PARPBP: variants seen among roughly 807,000 people sequenced by gnomAD.
PARPBP encodes the protein PARP1 binding protein.
Under a neutral mutation model 50.0 loss-of-function variants are expected in PARPBP, and 52 were observed. That is an observed-to-expected ratio of 1.04 (90% CI 0.83 to 1.31). PARPBP has a LOEUF of 1.31. Ranked by LOEUF, PARPBP falls within the 50% of genes most tolerant of loss-of-function variation. PARPBP has a pLI of 0.00. For missense variants in PARPBP, 697 were observed against 672.0 expected, an observed-to-expected ratio of 1.04 and a Z score of -0.41; for synonymous variants, 244 against 232.1, an observed-to-expected ratio of 1.05 and a Z score of -0.47.
intron 2 of PARPBP, among the ~76,000 whole-genome samples, chr12:102,140,723 G>A (rs1884446165): frequency 6.6e-6 from 1 of 152,160 alleles, no homozygotes; most frequent in Non-Finnish European, 1.5e-5. Flanking sequence ...CTTTATTTCT[G>A]CCTTCATTTT....
chr12:102,160,729 A>T (rs926952965), intron 4 of PARPBP, among the ~76,000 whole-genome samples: 13 of 152,166 alleles, frequency 8.5e-5, no homozygotes, highest in African/African-American at 2.4e-4. Context: ...CAGGCAGATC[A>T]CCTGAGGTTA....
intron 10 of PARPBP, among the ~76,000 whole-genome samples, 175 bp from the exon 11 acceptor site, chr12:102,195,776 G>A (rs1427957143): frequency 1.3e-5 from 2 of 151,680 alleles, no homozygotes; most frequent in African/African-American, 4.8e-5. Context: ...ATGATAAAAT[G>A]AAAAGTAATA....
intron 6 of PARPBP, among the ~76,000 whole-genome samples, chr12:102,170,121 A>G (rs763284664): frequency 8.5e-5 from 13 of 152,232 alleles, no homozygotes; most frequent in Non-Finnish European, 1.6e-4. Context: ...GTGACACCAT[A>G]AAATGCATAG....
chr12:102,182,600 T>C lies in PARPBP; in HGVS notation c.1236T>C (p.Cys412=). The C allele has an allele frequency of 6.2e-7, 1 of 1,611,618 alleles. No homozygotes were observed. Among genetic ancestry groups the C allele is most frequent in the South Asian group, 1.1e-5 (1 of 90,940 alleles). ...TAAAACCCCTAAGAGAACGCATCTG[T>C]GTGTCAATGCAAGAGAAAAAAATTA... ...NSIKPLRERI[C]VSMQEKKIKM... The change falls in exon 9 of 11, where the codon TGT becomes TGC. Residue 412 remains cysteine (C), a synonymous_variant. Coordinates refer to ENST00000327680, the MANE Select transcript of PARPBP (RefSeq NM_017915.5).
In PARPBP at chr12:102,197,165, C is replaced by G; in HGVS notation, c.*874C>G. ...TGATTTAAGAAATTATGTTTGGAGC[C>G]TGTGTTCTGTAAAGAGAAGGTTGAT... On this transcript the variant is annotated 3_prime_UTR_variant, in exon 11 of 11. Coordinates refer to ENST00000327680, the MANE Select transcript of PARPBP (RefSeq NM_017915.5). The G allele has an allele frequency of 6.2e-7, 1 of 1,610,778 alleles. No homozygotes were observed. The highest frequency in any genetic ancestry group is 1.3e-5 in the African/African-American group (1 of 74,906).
At chr12:102,182,352 C>T (rs916745060) in intron 8 of PARPBP, among the ~76,000 whole-genome samples, 197 bp from the exon 9 acceptor site, 4 of 152,112 alleles carry the variant, frequency 2.6e-5, no homozygotes, top group East Asian at 3.9e-4. Flanking sequence ...CTATGATGTT[C>T]GGTGGATTGG....
At chr12:102,166,760 T>C (rs1888181609) in intron 6 of PARPBP, among the ~76,000 whole-genome samples, 1 of 152,124 alleles carries the variant, frequency 6.6e-6, no homozygotes, top group Admixed American at 6.6e-5. Context: ...GAAACTTCAT[T>C]CCATTCTAAG....
Position 102,155,661 on chromosome 12 carries a change from C to G in PARPBP, c.495+1685C>G, listed in dbSNP as rs150053645. ...GCATTCGAGCAGGAACTTCAACACCCTTTGGGTCCCCTCCCATTTTATGGG... is the reference window on the plus strand; with the variant it reads ...GCATTCGAGCAGGAACTTCAACACCGTTTGGGTCCCCTCCCATTTTATGGG... On this transcript the variant is annotated intron_variant, in intron 4 of 10. Coordinates refer to ENST00000327680, the MANE Select transcript of PARPBP (RefSeq NM_017915.5). Among the ~76,000 whole-genome samples, 999 of 151,756 alleles carry G rather than the reference C, an allele frequency of 6.6e-3. 3 individuals are homozygous for G. The highest frequency in any genetic ancestry group is 1.0e-2 in the Non-Finnish European group (676 of 67,924).
Position 102,164,601 on chromosome 12 carries a change from T to C in PARPBP, c.659T>C (p.Ile220Thr). 1 of 1,613,244 alleles carries C rather than the reference T, an allele frequency of 6.2e-7. No homozygotes were observed. The highest frequency in any genetic ancestry group is 8.5e-7 in the Non-Finnish European group (1 of 1,179,356). The change falls in exon 5 of 11, where the codon ATC (isoleucine) becomes ACC (threonine). Residue 220 changes from isoleucine to threonine, a missense_variant. Coordinates refer to ENST00000327680, the MANE Select transcript of PARPBP (RefSeq NM_017915.5). Reference protein sequence around the residue: ...KHAAREKQMSIFLVATSFIRT... With the variant: ...KHAAREKQMSTFLVATSFIRT... ...GCTGCTCGAGAGAAACAAATGTCTATCTTTTTGGTATGGTTGTGTGACATG... is the reference window on the plus strand; with the variant it reads ...GCTGCTCGAGAGAAACAAATGTCTACCTTTTTGGTATGGTTGTGTGACATG...
intron 2 of PARPBP, among the ~76,000 whole-genome samples, chr12:102,146,707 A>G (rs1466299086): frequency 6.6e-6 from 1 of 152,138 alleles, no homozygotes; most frequent in African/African-American, 2.4e-5. Flanking sequence ...AAAAGCCAAA[A>G]TTGACAAATG....
chr12:102,156,644 CTTA>C (rs1313565096), intron 4 of PARPBP, among the ~76,000 whole-genome samples: 2 of 151,942 alleles, frequency 1.3e-5, no homozygotes, highest in South Asian at 2.1e-4. Context: ...ATTTATTTTG[CTTA>C]TTATTTTTTT....
chr12:102,123,796 T>A (rs1881525401), intron 1 of PARPBP, 90 bp from the exon 2 acceptor site: 5 of 768,178 alleles, frequency 6.5e-6, no homozygotes, highest in Admixed American at 3.0e-5. Context: ...CACTATATGT[T>A]TTTCTCTATC....
At chr12:102,161,118 T>G (rs924121886) in intron 4 of PARPBP, among the ~76,000 whole-genome samples, 1 of 152,102 alleles carries the variant, frequency 6.6e-6, no homozygotes, top group African/African-American at 2.4e-5. Context: ...TAAGTTTTTT[T>G]TTCTTTGGAG....
chr12:102,192,465 T>C (rs1890884730), intron 9 of PARPBP, among the ~76,000 whole-genome samples: 2 of 152,120 alleles, frequency 1.3e-5, no homozygotes, highest in African/African-American at 4.8e-5. Flanking sequence ...TCACATCATC[T>C]TATCTTTTTG....
At chr12:102,163,278 A>T (rs1887792105) in intron 4 of PARPBP, among the ~76,000 whole-genome samples, 1 of 152,160 alleles carries the variant, frequency 6.6e-6, no homozygotes, top group African/African-American at 2.4e-5. Flanking sequence ...GTTTCTCAGC[A>T]TTTTTAATAT....
At chr12:102,147,281 G>A (rs1885503776) in intron 2 of PARPBP, among the ~76,000 whole-genome samples, 2 of 152,006 alleles carry the variant, frequency 1.3e-5, no homozygotes, top group South Asian at 4.2e-4. Flanking sequence ...GTTTATTCTG[G>A]CACTATTCAC....
chr12:102,139,099 A>G (rs1884135010), intron 2 of PARPBP, among the ~76,000 whole-genome samples: 1 of 152,140 alleles, frequency 6.6e-6, no homozygotes, highest in Non-Finnish European at 1.5e-5. Context: ...TTTTCACCAT[A>G]TTGATTCTTC....
intron 4 of PARPBP, among the ~76,000 whole-genome samples, chr12:102,157,374 A>G (rs1887068047): frequency 1.3e-5 from 2 of 152,050 alleles, no homozygotes. Context: ...TAACTTCCAT[A>G]TTTAAATTTC....
intron 2 of PARPBP, among the ~76,000 whole-genome samples, chr12:102,140,025 T>C (rs1884304932): frequency 6.6e-6 from 1 of 152,226 alleles, no homozygotes; most frequent in Non-Finnish European, 1.5e-5. Context: ...ATTCCCTCTT[T>C]TTCTGTTAAT....
Sources: allele counts gnomAD v4.1 joint callset (sites outside exome capture counted in the v4.1 genomes callset), GRCh38; gene constraint gnomAD v4.1.1; transcripts MANE v1.5; gene names NCBI Gene and HGNC (gene_info 2026-07-23, HGNC 2026-07-21).